Variants in PNMA6E observed in about 807,000 individuals in gnomAD.
PNMA6E encodes paraneoplastic antigen Ma6E.
For synonymous variants in PNMA6E, 43 were observed against 17.1 expected (o/e 2.52, Z -3.74); for missense variants, 78 against 50.8 (o/e 1.53, Z -1.63).
chrX:153,397,367 C>T lies in PNMA6E; in HGVS notation c.1483G>A (p.Ala495Thr). Residue 495 changes from alanine (A) to threonine (T), a missense_variant, in exon 2 of 2, where the codon GCA becomes ACA. Transcript: ENST00000445091. ...LRLIREMEAW[A>T]AFPARSQQGV... ...TGCTGGCTCCTCGCTGGGAAGGCTG[C>T]CCATGCCTCCATCTCCCGGATGAGC... 6.7e-6 allele frequency: 2 copies of T among 298,332 alleles called. No individual in the cohort carries two copies. Among genetic ancestry groups the T allele is most frequent in the Non-Finnish European group, 1.2e-5 (2 of 170,476 alleles). 24.6% of individuals were successfully genotyped at this position (298,332 alleles called of 1,213,427 possible).
chrX:153,400,489 G>C (rs977177063), intron 1 of PNMA6E, among the ~76,000 whole-genome samples: 1 of 112,061 alleles, frequency 8.9e-6, no homozygotes, highest in Non-Finnish European at 1.9e-5. Flanking sequence ...CTAGCCCCGG[G>C]CAGCAGGGCG....
chrX:153,396,196 G>A lies in PNMA6E; in HGVS notation c.*710C>T, dbSNP rs1203526807. 8.2e-6 allele frequency: 1 copy of A among 122,653 alleles called. No homozygotes were observed. The highest frequency in any genetic ancestry group is 1.9e-5 in the Non-Finnish European group (1 of 53,177). 10.1% of individuals were successfully genotyped at this position (122,653 alleles called of 1,213,427 possible). On this transcript the variant is annotated 3_prime_UTR_variant, in exon 2 of 2. Coordinates refer to ENST00000445091, the MANE Select transcript of PNMA6E (RefSeq NM_001367770.1). Reference sequence around the variant, plus strand: ...GGGGTCTCCGGGGAGAGGCTGCTCAGAGAAGAACACACGCAGCTCCACGAG... The same window carrying A: ...GGGGTCTCCGGGGAGAGGCTGCTCAAAGAAGAACACACGCAGCTCCACGAG...
At position 153,396,683 on chromosome X, in the gene PNMA6E, T is replaced by C; in HGVS notation, c.*223A>G. 4.0e-6 allele frequency: 1 copy of C among 252,900 alleles called. No individual in the cohort carries two copies. The highest frequency in any genetic ancestry group is 7.0e-6 in the Non-Finnish European group (1 of 142,199). 20.8% of individuals were successfully genotyped at this position (252,900 alleles called of 1,213,427 possible). A position where few individuals can be genotyped will look rare whatever the true frequency, so the allele number is the denominator to read the frequency against. ...GGTTTGGGGCTGGGGCTGGGTGTGCTGGGTGCAAGGGAGCGGGGGGGCGCC... is the reference window on the plus strand; with the variant it reads ...GGTTTGGGGCTGGGGCTGGGTGTGCCGGGTGCAAGGGAGCGGGGGGGCGCC... On this transcript the variant is annotated 3_prime_UTR_variant, in exon 2 of 2. Coordinates refer to ENST00000445091, the MANE Select transcript of PNMA6E (RefSeq NM_001367770.1).
At position 153,396,034 on chromosome X, in the gene PNMA6E, C is replaced by A; in HGVS notation, c.*872G>T. 8.5e-6 allele frequency: 1 copy of A among 117,717 alleles called. No homozygotes were observed. 9.7% of individuals were successfully genotyped at this position (117,717 alleles called of 1,213,427 possible). Reference sequence around the variant, plus strand: ...AGGGGTGAAACGCCAAAGCATAGTTCTTGTGGATCCTCACGCAGCCCCGCT... The same window carrying A: ...AGGGGTGAAACGCCAAAGCATAGTTATTGTGGATCCTCACGCAGCCCCGCT... On this transcript the variant is annotated 3_prime_UTR_variant, in exon 2 of 2. Coordinates refer to ENST00000445091, the MANE Select transcript of PNMA6E (RefSeq NM_001367770.1).
chrX:153,411,384 G>A, the PNMA6E span, among the ~76,000 whole-genome samples: 1 of 111,760 alleles, frequency 8.9e-6, no homozygotes, highest in East Asian at 2.9e-4. Flanking sequence ...GGGCGGGCGC[G>A]GGGCGGGCCG....
chrX:153,398,416 G>C lies in PNMA6E; in HGVS notation c.434C>G (p.Thr145Arg). The stretch of plus-strand genomic sequence containing the variant: ...CTCACCTGTTGCTCCTGCCTCACCT[G>C]TGCCTCCTGCCTCACCTGCTGCTCC... ...EVGAAGEAGG[T>R]GEAGATGEAG... The change falls in exon 2 of 2, where the codon ACA becomes AGA. Residue 145 changes from threonine (T) to arginine (R), a missense_variant. Thr to Arg is a moderately conservative substitution (Grantham distance 71). Transcript: ENST00000445091. 1 of 406,660 alleles carries C rather than the reference G, an allele frequency of 2.5e-6. No homozygotes were observed. The highest frequency in any genetic ancestry group is 4.2e-6 in the Non-Finnish European group (1 of 236,694). 33.5% of individuals were successfully genotyped at this position (406,660 alleles called of 1,213,427 possible).
At chrX:153,403,479 G>A (rs1262514197), upstream of PNMA6E, among the ~76,000 whole-genome samples, 1 of 112,053 alleles carries the variant, frequency 8.9e-6, no homozygotes, top group African/African-American at 3.2e-5. Context: ...GAGCATCTGG[G>A]TTTATCGGGA....
At chrX:153,400,870 A>C in intron 1 of PNMA6E, among the ~76,000 whole-genome samples, 1 of 59,192 alleles carries the variant, frequency 1.7e-5, no homozygotes, top group Non-Finnish European at 3.1e-5. Context: ...AGCCCTCGAC[A>C]CCCCCTCACC....
chrX:153,403,002 C>T (rs782065317), upstream of PNMA6E, among the ~76,000 whole-genome samples: 1 of 112,642 alleles, frequency 8.9e-6, no homozygotes, highest in South Asian at 3.6e-4. Context: ...CTGCAATGTG[C>T]CTACACGTGT....
chrX:153,402,753 G>T (rs1460809998), upstream of PNMA6E, among the ~76,000 whole-genome samples: 2 of 91,553 alleles, frequency 2.2e-5, no homozygotes, highest in Non-Finnish European at 4.3e-5. Context: ...CATGTATCTC[G>T]AAACATCCTT....
chrX:153,413,784 A>G, the PNMA6E span, among the ~76,000 whole-genome samples: 13 of 112,057 alleles, frequency 1.2e-4, no homozygotes, highest in African/African-American at 3.6e-4. Context: ...TTTGAGTTCT[A>G]TGGGCACAGG....
chrX:153,404,043 T>C (rs1224616636), upstream of PNMA6E: 7 of 102,043 alleles, frequency 6.9e-5, no homozygotes, highest in Middle Eastern at 4.8e-3. Context: ...AATGGTGTGA[T>C]TATGGCTCAT....
upstream of PNMA6E, among the ~76,000 whole-genome samples, chrX:153,405,888 A>G (rs1556972041): frequency 9.0e-6 from 1 of 111,622 alleles, no homozygotes; most frequent in African/African-American, 3.3e-5. Flanking sequence ...GTAACAATAG[A>G]TAACTAATAC....
At position 153,401,332 on chromosome X, in the gene PNMA6E, C is replaced by A. The variant is rs950347022; in HGVS notation, c.-160G>T. On this transcript the variant is annotated 5_prime_UTR_variant, in exon 1 of 2. Transcript: ENST00000445091. ...AGGGTCTGAAGAGATCACCTCAGCT[C>A]CGCAGCGTGGAAGCGTGTGGCTCTC... 2.7e-5 allele frequency: 3 copies of A among 112,074 alleles called. No homozygotes were observed. 9.2% of individuals were successfully genotyped at this position (112,074 alleles called of 1,213,427 possible). A position where few individuals can be genotyped will look rare whatever the true frequency, so the allele number is the denominator to read the frequency against.
chrX:153,407,929 G>A, the PNMA6E span, among the ~76,000 whole-genome samples: 1 of 112,775 alleles, frequency 8.9e-6, no homozygotes, highest in African/African-American at 3.2e-5. Context: ...GATCCCAGCG[G>A]ACACTGACAG....
chrX:153,399,312 TGTG>T (rs2088832868), intron 1 of PNMA6E, among the ~76,000 whole-genome samples: 2 of 29,660 alleles, frequency 6.7e-5, no homozygotes, highest in African/African-American at 2.3e-4. Flanking sequence ...TTGTGTGTTG[TGTG>T]TGTGTGTGTG....
At chrX:153,411,642 G>A in the PNMA6E span, among the ~76,000 whole-genome samples, 1 of 113,021 alleles carries the variant, frequency 8.8e-6, no homozygotes, top group African/African-American at 3.2e-5. Flanking sequence ...CGGCGGCCTT[G>A]GCCTCGGGCC....
chrX:153,398,046 T>C lies in PNMA6E; in HGVS notation c.804A>G (p.Ala268=). The stretch of plus-strand genomic sequence containing the variant: ...CAGCTCCTGCCTCACCTGCTGCTCC[T>C]GCCTCACCCACAGCTCCTGCCTCAC... ...AAGEAGAVGE[A]GAAGEAGAVG... The change falls in exon 2 of 2, where the codon GCA becomes GCG. Residue 268 remains alanine (A), a synonymous_variant. Coordinates refer to ENST00000445091, the MANE Select transcript of PNMA6E (RefSeq NM_001367770.1). 1 of 449,474 alleles carries C rather than the reference T, an allele frequency of 2.2e-6. No individual in the cohort carries two copies. The highest frequency in any genetic ancestry group is 3.8e-5 in the East Asian group (1 of 26,492). 37.0% of individuals were successfully genotyped at this position (449,474 alleles called of 1,213,427 possible).
chrX:153,408,177 G>A, the PNMA6E span, among the ~76,000 whole-genome samples: 1 of 113,059 alleles, frequency 8.8e-6, no homozygotes, highest in Admixed American at 9.2e-5. Flanking sequence ...TGGCCACACT[G>A]AAGAGGATCA....
Sources: gnomAD v4.1 joint callset for allele counts (sites outside exome capture counted in the v4.1 genomes callset) on GRCh38, gnomAD v4.1.1 for gene constraint, MANE v1.5 for transcripts, NCBI Gene and HGNC (gene_info 2026-07-23, HGNC 2026-07-21) for gene names.